RAB10: variants seen among roughly 807,000 people sequenced by gnomAD.
RAB10 encodes the protein ras-related protein Rab-10.
Under a neutral mutation model 25.7 loss-of-function variants are expected in RAB10, and 5 were observed. The observed-to-expected ratio is 0.19, with a 90% confidence interval of 0.10 to 0.41. The LOEUF (loss-of-function observed/expected upper bound fraction) is 0.41. Among genes scored for constraint, RAB10 ranks in the 10% least tolerant of loss-of-function variants. The pLI, the probability that RAB10 is intolerant of heterozygous loss-of-function variation, is 1.00. For synonymous variants in RAB10, 89 were observed against 86.4 expected, an observed-to-expected ratio of 1.03 and a Z score of -0.16; for missense variants, 103 against 245.8, an observed-to-expected ratio of 0.42 and a Z score of 3.89.
intron 2 of RAB10, chr2:26,101,454 C>T (rs528396540): frequency 4.6e-5 from 7 of 152,224 alleles, no homozygotes; most frequent in Non-Finnish European, 1.0e-4. Flanking sequence ...GATGAGATAG[C>T]TATAGGTCTT....
At chr2:26,116,556 T>TG (rs1667692554) in intron 3 of RAB10, among the ~76,000 whole-genome samples, 1 of 123,368 alleles carries the variant, frequency 8.1e-6, no homozygotes, top group Non-Finnish European at 1.6e-5. Context: ...GTGTTTTTTT[T>TG]TTTTTTTTTT....
At chr2:26,054,008 TCTTTC>T (rs1282582772) in intron 1 of RAB10, among the ~76,000 whole-genome samples, 1 of 150,418 alleles carries the variant, frequency 6.6e-6, no homozygotes, top group Non-Finnish European at 1.5e-5. Flanking sequence ...GGCTTCTTTT[TCTTTC>T]TTTTTTTTTT....
upstream of RAB10, chr2:26,033,999 G>GC (rs1405540657): frequency 2.8e-5 from 11 of 398,264 alleles, no homozygotes; most frequent in South Asian, 2.6e-4. Flanking sequence ...ACTTCGGCGC[G>GC]CCCCCATGCC....
chr2:26,046,427 T>C (rs143879901), intron 1 of RAB10, among the ~76,000 whole-genome samples: 100 of 152,308 alleles, frequency 6.6e-4, no homozygotes, highest in African/African-American at 2.3e-3. Flanking sequence ...GAAAAACGTT[T>C]TTATTTGAAG....
chr2:26,071,201 G>A (rs143402718), intron 1 of RAB10, among the ~76,000 whole-genome samples: 1 of 152,316 alleles, frequency 6.6e-6, no homozygotes, highest in East Asian at 1.9e-4. Context: ...CTCGTTTTGA[G>A]ACAGTGATGG....
At chr2:26,041,052 CAT>C (rs1023303041) in intron 1 of RAB10, among the ~76,000 whole-genome samples, 2 of 149,512 alleles carry the variant, frequency 1.3e-5, no homozygotes, top group Non-Finnish European at 1.5e-5. Context: ...TTTTTTTTCT[CAT>C]GTGTGCTAAA....
chr2:26,047,626 G>A (rs1029634179), intron 1 of RAB10, among the ~76,000 whole-genome samples: 5 of 151,730 alleles, frequency 3.3e-5, no homozygotes, highest in Non-Finnish European at 7.4e-5. Context: ...TACATTGGCC[G>A]GGCTGGTCTT....
intron 1 of RAB10, among the ~76,000 whole-genome samples, chr2:26,077,781 T>G (rs1666769335): frequency 6.6e-6 from 1 of 152,022 alleles, no homozygotes; most frequent in Non-Finnish European, 1.5e-5. Flanking sequence ...AGACAGAGAC[T>G]ATTCTGGCTA....
chr2:26,134,604 T>TG (rs1251065566), intron 5 of RAB10, among the ~76,000 whole-genome samples: 1 of 152,218 alleles, frequency 6.6e-6, no homozygotes, highest in Non-Finnish European at 1.5e-5. Flanking sequence ...TCATACAACT[T>TG]GCTCCACAAT....
chr2:26,049,235 AC>A, intron 1 of RAB10, among the ~76,000 whole-genome samples: 1 of 137,732 alleles, frequency 7.3e-6, no homozygotes, highest in Non-Finnish European at 1.5e-5. Flanking sequence ...TTGCTCCCGT[AC>A]CATTTATTTA....
chr2:26,128,366 C>T (rs554006885), intron 5 of RAB10, among the ~76,000 whole-genome samples: 3 of 152,300 alleles, frequency 2.0e-5, no homozygotes, highest in East Asian at 1.9e-4. Flanking sequence ...TAACAGGCCA[C>T]GGACCGGTAA....
intron 1 of RAB10, among the ~76,000 whole-genome samples, chr2:26,045,775 T>A (rs942728609): frequency 2.0e-5 from 3 of 152,324 alleles, no homozygotes; most frequent in Middle Eastern, 3.4e-3. Context: ...GGTCTTGCTG[T>A]GTTGCCCAGA....
chr2:26,077,912 G>A (rs1002740789), intron 1 of RAB10, among the ~76,000 whole-genome samples: 1 of 152,074 alleles, frequency 6.6e-6, no homozygotes, highest in Non-Finnish European at 1.5e-5. Flanking sequence ...CCGGGAGGCG[G>A]GGTTTGCAGC....
intron 4 of RAB10, 42 bp from the exon 5 acceptor site, chr2:26,127,808 C>T: frequency 6.9e-7 from 1 of 1,448,374 alleles, no homozygotes; most frequent in Non-Finnish European, 9.7e-7. Flanking sequence ...GTTGGCAACC[C>T]ATGCTTGATA....
Position 26,034,614 on chromosome 2 carries a change from G to C in RAB10, c.6G>C (p.Ala2=). The part of the protein sequence containing the change: M[A]KKTYDLLFKL... Reference sequence around the variant, plus strand: ...AGCCCGAGCCGCTCCTCCCAATGGCGAAGAAGACGTACGACCTGCTTTTCA... The same window carrying C: ...AGCCCGAGCCGCTCCTCCCAATGGCCAAGAAGACGTACGACCTGCTTTTCA... Residue 2 remains alanine, a synonymous_variant, in exon 1 of 6, where the codon GCG becomes GCC. Transcript: ENST00000264710. 7 of 1,613,544 alleles carry C rather than the reference G, an allele frequency of 4.3e-6. No homozygotes were observed. The highest frequency in any genetic ancestry group is 5.9e-6 in the Non-Finnish European group (7 of 1,180,048).
At chr2:26,084,999 C>G (rs1040707024) in intron 1 of RAB10, among the ~76,000 whole-genome samples, 1 of 152,130 alleles carries the variant, frequency 6.6e-6, no homozygotes, top group African/African-American at 2.4e-5. Context: ...CAACTAGTCT[C>G]TTAGTTGTAG....
intron 1 of RAB10, among the ~76,000 whole-genome samples, chr2:26,056,414 G>A (rs1666268613): frequency 6.6e-6 from 1 of 151,542 alleles, no homozygotes; most frequent in South Asian, 2.1e-4. Flanking sequence ...GGCCAGTATG[G>A]TCTCAATCTC....
At chr2:26,117,580 A>C (rs115413538) in intron 3 of RAB10, among the ~76,000 whole-genome samples, 1 of 146,834 alleles carries the variant, frequency 6.8e-6, no homozygotes, top group African/African-American at 2.5e-5. Flanking sequence ...GTGCCACTGC[A>C]CTCCGCTCCA....
At chr2:26,111,450 C>A (rs1056352588) in intron 3 of RAB10, among the ~76,000 whole-genome samples, 1 of 151,916 alleles carries the variant, frequency 6.6e-6, no homozygotes, top group Non-Finnish European at 1.5e-5. Context: ...ACTAAAAATA[C>A]AAACTTAGCT....
Sources: gnomAD v4.1 joint callset for allele counts (sites outside exome capture counted in the v4.1 genomes callset) on GRCh38, gnomAD v4.1.1 for gene constraint, MANE v1.5 for transcripts, NCBI Gene and HGNC (gene_info 2026-07-23, HGNC 2026-07-21) for gene names.